Variants in ZNF148 observed in about 807,000 individuals in gnomAD.
ZNF148 encodes Beta-Enolase Repressor Factor-1.
A neutral mutation model predicts 67.7 loss-of-function variants in ZNF148; 7 were observed. The ratio of observed to expected loss-of-function variants is 0.10; its 90% CI spans 0.06 to 0.19. The LOEUF is 0.19. ZNF148 is among the 10% of genes least tolerant of loss of function. The probability of loss-of-function intolerance (pLI) is 1.00; values close to 1 mark genes in which losing one functional copy is unlikely to be tolerated. For synonymous variants in ZNF148, 333 were observed against 330.7 expected (o/e 1.01, Z -0.08); for missense variants, 583 against 947.1 (o/e 0.62, Z 5.05).
At chr3:125,322,961 G>C (rs1401550853) in intron 3 of ZNF148, among the ~76,000 whole-genome samples, 1 of 152,160 alleles carries the variant, frequency 6.6e-6, no homozygotes, top group Non-Finnish European at 1.5e-5. Context: ...TATGAAAACA[G>C]TTTCTCTGAA....
chr3:125,362,124 A>C (rs1254316517), intron 1 of ZNF148, among the ~76,000 whole-genome samples: 3 of 152,224 alleles, frequency 2.0e-5, no homozygotes, highest in Non-Finnish European at 4.4e-5. Context: ...CCAGAAAGCT[A>C]TGAAATCTTC....
chr3:125,297,468 C>G (rs1283022478), intron 4 of ZNF148, among the ~76,000 whole-genome samples: 1 of 145,482 alleles, frequency 6.9e-6, no homozygotes, highest in Non-Finnish European at 1.5e-5. Context: ...TCCTGTTTAC[C>G]AAAAAAGTAA....
intron 1 of ZNF148, among the ~76,000 whole-genome samples, chr3:125,354,966 C>T (rs1942288727): frequency 6.6e-6 from 1 of 152,164 alleles, no homozygotes; most frequent in Admixed American, 6.6e-5. Context: ...ATGCCACACC[C>T]TTTCCCTCAG....
intron 7 of ZNF148, among the ~76,000 whole-genome samples, chr3:125,274,473 T>C (rs114764707): frequency 1.0e-3 from 156 of 152,302 alleles, no homozygotes; most frequent in African/African-American, 3.6e-3. Flanking sequence ...GACCAGCCTC[T>C]GGATGAAAAA....
At chr3:125,248,503 T>TA (rs1179983691) in intron 7 of ZNF148, among the ~76,000 whole-genome samples, 18 of 152,294 alleles carry the variant, frequency 1.2e-4, no homozygotes, top group Non-Finnish European at 2.4e-4. Context: ...TTCTTCCCTT[T>TA]AAAAAAATTA....
At chr3:125,307,180 C>T (rs766081617) in intron 4 of ZNF148, among the ~76,000 whole-genome samples, 2 of 151,876 alleles carry the variant, frequency 1.3e-5, no homozygotes, top group African/African-American at 4.8e-5. Flanking sequence ...ATCCCAGGAA[C>T]GCAAGAGCTG....
At chr3:125,317,104 A>G (rs1386919120) in intron 3 of ZNF148, among the ~76,000 whole-genome samples, 1 of 152,176 alleles carries the variant, frequency 6.6e-6, no homozygotes, top group African/African-American at 2.4e-5. Context: ...ATGCAAAGAA[A>G]AAGAAATCTC....
At chr3:125,339,779 C>A (rs527751732) in intron 1 of ZNF148, among the ~76,000 whole-genome samples, 1 of 152,064 alleles carries the variant, frequency 6.6e-6, no homozygotes, top group East Asian at 1.9e-4. Flanking sequence ...AACATATACA[C>A]CTACTATGTA....
chr3:125,253,764 G>C (rs1037110693), intron 7 of ZNF148, among the ~76,000 whole-genome samples: 3 of 152,114 alleles, frequency 2.0e-5, no homozygotes, highest in Non-Finnish European at 4.4e-5. Flanking sequence ...TACTTGAAAA[G>C]TTGATGTTGT....
At chr3:125,327,401 G>A (rs1379330532) in intron 2 of ZNF148, among the ~76,000 whole-genome samples, 2 of 152,150 alleles carry the variant, frequency 1.3e-5, no homozygotes, top group African/African-American at 4.8e-5. Context: ...TACCTAAGTG[G>A]CATATATAGA....
rs776208856 is a variant in ZNF148, at chr3:125,233,271, CCTG to C, written c.1452_1454del (p.Ser484del). 28 of 1,613,706 alleles carry C rather than the reference CCTG, an allele frequency of 1.7e-5. No homozygotes were observed. Among genetic ancestry groups the C allele is most frequent in the African/African-American group, 2.7e-5 (2 of 74,856 alleles). On this transcript the variant is annotated inframe_deletion, in exon 9 of 9. Coordinates refer to ENST00000360647, the MANE Select transcript of ZNF148 (RefSeq NM_021964.3). The surrounding 1 kb of genome is among the most constrained non-coding windows in gnomAD (Gnocchi z 5.1). ...TGGTACCCACATTCAGCGCATATTC[CCTG>C]CTGTTGTTACTTGCTGCTTGAAGAT...
At chr3:125,308,819 T>C (rs193144527) in intron 4 of ZNF148, among the ~76,000 whole-genome samples, 10 of 152,248 alleles carry the variant, frequency 6.6e-5, no homozygotes, top group Non-Finnish European at 7.4e-5. Flanking sequence ...ACTTTATTCA[T>C]AGTAATTGAA....
At chr3:125,312,935 A>C (rs1269659334) in intron 4 of ZNF148, among the ~76,000 whole-genome samples, 1 of 152,162 alleles carries the variant, frequency 6.6e-6, no homozygotes, top group African/African-American at 2.4e-5. Context: ...AGAAGGCAAG[A>C]ATTACAGAAT....
intron 2 of ZNF148, among the ~76,000 whole-genome samples, chr3:125,329,710 A>G (rs1941200428): frequency 2.0e-5 from 3 of 151,910 alleles, no homozygotes; most frequent in South Asian, 2.1e-4. Flanking sequence ...TCACTACATC[A>G]TCATTTATAA....
intron 1 of ZNF148, among the ~76,000 whole-genome samples, chr3:125,365,909 C>G (rs1942687941): frequency 6.6e-6 from 1 of 152,222 alleles, no homozygotes; most frequent in Non-Finnish European, 1.5e-5. Context: ...CTTCCATATT[C>G]TAATCCTACT....
chr3:125,303,579 A>G (rs1939714443), intron 4 of ZNF148, among the ~76,000 whole-genome samples: 1 of 152,152 alleles, frequency 6.6e-6, no homozygotes, highest in Non-Finnish European at 1.5e-5. Context: ...TCCTTATGAG[A>G]ACCTAATGCC....
At chr3:125,305,273 A>G (rs1427230971) in intron 4 of ZNF148, among the ~76,000 whole-genome samples, 1 of 152,210 alleles carries the variant, frequency 6.6e-6, no homozygotes, top group Non-Finnish European at 1.5e-5. Context: ...TAACTTAAAT[A>G]TCCTAAGGAG....
chr3:125,298,582 T>C (rs1413703598), intron 4 of ZNF148, among the ~76,000 whole-genome samples: 1 of 151,988 alleles, frequency 6.6e-6, no homozygotes, highest in African/African-American at 2.4e-5. Context: ...TTATCCAATT[T>C]ATGTAATAAA....
At position 125,277,599 on chromosome 3, in the gene ZNF148, AAGAT is replaced by A. The variant is rs1322658093; in HGVS notation, c.667+123_667+126del. On this transcript the variant is annotated intron_variant, in intron 7 of 8. Transcript: ENST00000360647. ...ACATTGATTTATTGAAGGGAGAAAA[AAGAT>A]AACCTGTGATTTATAGTCTAAACCA... 4.2e-6 allele frequency: 3 copies of A among 709,690 alleles called. No individual in the cohort carries two copies. In the Admixed American group the frequency reaches 1.1e-4, roughly 25 times the overall value. 44.0% of individuals were successfully genotyped at this position (709,690 alleles called of 1,614,324 possible).
Sources: allele counts gnomAD v4.1 joint callset (sites outside exome capture counted in the v4.1 genomes callset), GRCh38; gene constraint gnomAD v4.1.1; non-coding constraint Gnocchi (gnomAD v3.1); transcripts MANE v1.5; gene names NCBI Gene and HGNC (gene_info 2026-07-23, HGNC 2026-07-21).